Variants in TSGA10 observed in about 807,000 individuals in gnomAD.
TSGA10 encodes testis specific 10.
Under a neutral mutation model 96.6 loss-of-function variants are expected in TSGA10, and 43 were observed. The observed-to-expected ratio is 0.44, with a 90% CI of 0.35 to 0.57. TSGA10 has a LOEUF of 0.57. TSGA10 is among the 20% of genes least tolerant of loss of function. The pLI, the probability that TSGA10 is intolerant of heterozygous loss-of-function variation, is 0.01. For missense variants in TSGA10, 703 were observed against 834.4 expected, an observed-to-expected ratio of 0.84 and a Z score of 1.94; for synonymous variants, 229 against 269.9, an observed-to-expected ratio of 0.85 and a Z score of 1.48.
chr2:99,115,334 G>A (rs2092166688), intron 4 of TSGA10, among the ~76,000 whole-genome samples: 1 of 151,904 alleles, frequency 6.6e-6, no homozygotes, highest in South Asian at 2.1e-4. Flanking sequence ...ACCTGAAGTG[G>A]CATTAAAAAA....
intron 16 of TSGA10, among the ~76,000 whole-genome samples, chr2:99,048,016 G>T (rs957680984): frequency 3.9e-5 from 6 of 152,124 alleles, no homozygotes; most frequent in African/African-American, 1.4e-4. Flanking sequence ...GCTTACAGGG[G>T]ACATGAAGGA....
intron 16 of TSGA10, among the ~76,000 whole-genome samples, chr2:99,042,640 C>G (rs536197218): frequency 6.6e-6 from 1 of 152,194 alleles, no homozygotes; most frequent in South Asian, 2.1e-4. Context: ...ACTGACTACA[C>G]ATACATACGT....
intron 20 of TSGA10, among the ~76,000 whole-genome samples, chr2:99,017,326 A>G (rs569589489): frequency 6.6e-6 from 1 of 152,250 alleles, no homozygotes; most frequent in Non-Finnish European, 1.5e-5. Flanking sequence ...ACTCAGCCAT[A>G]AAAAGGAACG....
At chr2:99,009,538 C>T (rs2078820562) in intron 20 of TSGA10, among the ~76,000 whole-genome samples, 2 of 134,190 alleles carry the variant, frequency 1.5e-5, no homozygotes, top group Admixed American at 8.3e-5. Context: ...CACCACTGCA[C>T]TCCAGCCTGG....
chr2:99,037,686 T>C (rs999624795), intron 16 of TSGA10, among the ~76,000 whole-genome samples: 1 of 151,898 alleles, frequency 6.6e-6, no homozygotes, highest in African/African-American at 2.4e-5. Context: ...CTGTCTCTAC[T>C]AAAAATACAA....
intron 1 of TSGA10, chr2:99,147,586 T>C: frequency 9.5e-7 from 1 of 1,057,180 alleles, no homozygotes. Flanking sequence ...TTGATAATTA[T>C]ATGTTACCAT....
chr2:99,072,966 G>A (rs368386177), intron 13 of TSGA10, 52 bp downstream of exon 13: 2 of 1,256,230 alleles, frequency 1.6e-6, no homozygotes, highest in Non-Finnish European at 2.3e-6. Context: ...TACCTAACAT[G>A]GTACTTGGCC....
chr2:99,147,523 T>C, intron 1 of TSGA10: 3 of 1,600,354 alleles, frequency 1.9e-6, no homozygotes, highest in East Asian at 2.2e-5. Flanking sequence ...GTCTACCCTA[T>C]TATACTTGGT....
chr2:99,006,767 C>T (rs144120602), intron 20 of TSGA10, among the ~76,000 whole-genome samples: 14,676 of 152,134 alleles, frequency 0.096, 1,705 homozygotes, highest in African/African-American at 0.27. Flanking sequence ...ACTAGAAATA[C>T]CATTTGACCC....
chr2:99,150,089 G>T (rs543255843), intron 1 of TSGA10, among the ~76,000 whole-genome samples: 1 of 152,294 alleles, frequency 6.6e-6, no homozygotes, highest in Non-Finnish European at 1.5e-5. Context: ...ACCGCACCCA[G>T]CCAATCACAA....
intron 10 of TSGA10, chr2:99,101,887 AG>A (rs2090790663): frequency 1.7e-6 from 1 of 577,706 alleles, no homozygotes; most frequent in South Asian, 2.1e-5. Flanking sequence ...GATTGACTGG[AG>A]GGGGAAATAG....
intron 20 of TSGA10, among the ~76,000 whole-genome samples, chr2:99,005,736 T>C (rs1028325445): frequency 7.3e-4 from 110 of 151,408 alleles, no homozygotes; most frequent in South Asian, 1.3e-3. Context: ...TTTATAGATT[T>C]AATGCCATCC....
At chr2:99,049,684 C>T (rs1174970702) in intron 16 of TSGA10, among the ~76,000 whole-genome samples, 2 of 149,820 alleles carry the variant, frequency 1.3e-5, no homozygotes, top group Non-Finnish European at 3.0e-5. Context: ...ACCTATGTAA[C>T]AAAGCTGCAC....
chr2:99,144,178 G>A lies in TSGA10; in HGVS notation c.-621+10515C>T, dbSNP rs552737121. Among the ~76,000 whole-genome samples, 14 of 151,984 alleles carry A rather than the reference G, an allele frequency of 9.2e-5. No homozygotes were observed. The South Asian group carries it at 2.5e-3, about 27-fold the overall frequency. On this transcript the variant is annotated intron_variant, in intron 1 of 20. Coordinates refer to ENST00000393483, the MANE Select transcript of TSGA10 (RefSeq NM_025244.4). ...TGGGACTACAGGCGCCCACCACCAC[G>A]CCCGGCTAATTTTTTTGTATTTTTA... is the stretch of plus-strand genomic sequence containing the variant.
At chr2:99,067,286 T>C (rs1481844878) in intron 15 of TSGA10, among the ~76,000 whole-genome samples, 3 of 152,208 alleles carry the variant, frequency 2.0e-5, no homozygotes, top group Non-Finnish European at 4.4e-5. Context: ...CCTATCAAAA[T>C]GGATCCGTGG....
chr2:99,052,557 T>G (rs963940613), intron 16 of TSGA10, among the ~76,000 whole-genome samples: 4 of 151,760 alleles, frequency 2.6e-5, no homozygotes, highest in Non-Finnish European at 4.4e-5. Context: ...GCTAACACGG[T>G]GAAACCCCGT....
At chr2:99,088,256 CAGAG>C (rs1453521754) in intron 10 of TSGA10, among the ~76,000 whole-genome samples, 2 of 152,146 alleles carry the variant, frequency 1.3e-5, no homozygotes, top group African/African-American at 2.4e-5. Flanking sequence ...CAACTGAAAA[CAGAG>C]AGACCACATT....
intron 11 of TSGA10, 105 bp downstream of exon 11, chr2:99,081,176 AG>A: frequency 1.9e-6 from 1 of 519,192 alleles, no homozygotes; most frequent in Non-Finnish European, 3.3e-6. Context: ...AACTTAGTTA[AG>A]GGCTTGTTTC....
intron 2 of TSGA10, among the ~76,000 whole-genome samples, chr2:99,120,044 A>G (rs1018322963): frequency 3.3e-5 from 5 of 152,134 alleles, no homozygotes; most frequent in African/African-American, 7.2e-5. Flanking sequence ...AGCCTCTTAT[A>G]TAAGTTTATC....
Sources: allele counts gnomAD v4.1 joint callset (sites outside exome capture counted in the v4.1 genomes callset), GRCh38; gene constraint gnomAD v4.1.1; transcripts MANE v1.5; gene names NCBI Gene and HGNC (gene_info 2026-07-23, HGNC 2026-07-21).